The following SIK3 variants were observed in gnomAD, a reference collection of about 807,000 sequenced individuals.
The protein encoded by SIK3 is SIK family kinase 3.
A neutral mutation model predicts 144.2 loss-of-function variants in SIK3; 28 were observed. That is an observed-to-expected ratio of 0.19 (90% CI 0.14 to 0.27). The LOEUF (loss-of-function observed/expected upper bound fraction) is 0.27, where lower values mean the gene tolerates loss of function less well. Among genes scored for constraint, SIK3 ranks in the 10% least tolerant of loss-of-function variants. SIK3 has a pLI of 1.00. For missense variants in SIK3, 1,319 were observed against 1,776.0 expected, an observed-to-expected ratio of 0.74 and a Z score of 4.62; for synonymous variants, 686 against 676.3, an observed-to-expected ratio of 1.01 and a Z score of -0.22.
At chr11:117,070,839 G>A (rs151131966) in intron 1 of SIK3, among the ~76,000 whole-genome samples, 1,430 of 139,920 alleles carry the variant, frequency 0.01, 13 homozygotes, top group Non-Finnish European at 0.016. Flanking sequence ...CACAACCTCC[G>A]CCTCCCGGGT....
chr11:117,089,944 T>A (rs1955171635), intron 1 of SIK3, among the ~76,000 whole-genome samples: 1 of 151,986 alleles, frequency 6.6e-6, no homozygotes, highest in African/African-American at 2.4e-5. Flanking sequence ...AGGCTCCTTG[T>A]CTACCACGGA....
At position 116,849,646 on chromosome 11, in the gene SIK3, A is replaced by G. The variant is rs1285983990; in HGVS notation, c.3656-363T>C. On this transcript the variant is annotated intron_variant, in intron 21 of 24. Coordinates refer to ENST00000445177, the MANE Select transcript of SIK3 (RefSeq NM_001366686.3). This position sits in a 1 kb window ranked among gnomAD's most constrained non-coding sequence, Gnocchi z 4.2. Reference sequence around the variant, plus strand: ...AGGACCCTCTAGCCCTAGAGGATGCATCTGTTCTGTGGCTGGCTGCGTCCT... The same window carrying G: ...AGGACCCTCTAGCCCTAGAGGATGCGTCTGTTCTGTGGCTGGCTGCGTCCT... 6.6e-6 allele frequency among the ~76,000 whole-genome samples: 1 copy of G among 152,130 alleles called. No individual in the cohort carries two copies. The highest frequency in any genetic ancestry group is 1.5e-5 in the Non-Finnish European group (1 of 68,020).
chr11:116,983,821 C>CT (rs1950233137), intron 1 of SIK3, among the ~76,000 whole-genome samples: 2 of 152,070 alleles, frequency 1.3e-5, no homozygotes, highest in African/African-American at 4.8e-5. Context: ...GGGCTCACAC[C>CT]TGTAATCCCA....
rs778818111 is a variant in SIK3, at chr11:116,875,951, C to T, written c.1154G>A (p.Arg385Gln). 1.2e-6 allele frequency: 2 copies of T among 1,613,502 alleles called. No homozygotes were observed. Among genetic ancestry groups the T allele is most frequent in the South Asian group, 1.1e-5 (1 of 91,046 alleles). Residue 385 changes from arginine to glutamine, a missense_variant, in exon 9 of 25, where the codon CGA (arginine) becomes CAA (glutamine). Around this residue, in one of 8 missense-constraint regions of SIK3, gnomAD observed 109 missense variants for 109.3 expected, o/e 1.00. Coordinates refer to ENST00000445177, the MANE Select transcript of SIK3 (RefSeq NM_001366686.3). The part of the protein sequence containing the change: ...YSAIYSLLCD[R>Q]HKRHKTLRLG... ...ACGCAGGGTTTTATGTCTCTTATGT[C>T]GATCACACAGCAGGCTGTAGATTGC...
rs551165781 is a variant in SIK3 at position 116,982,413 on chromosome 11, C to T, written c.274-25349G>A. Among the ~76,000 whole-genome samples, 5 of 152,010 alleles carry T rather than the reference C, an allele frequency of 3.3e-5. No individual in the cohort carries two copies. In the South Asian group the frequency reaches 1.0e-3, roughly 32 times the overall value. ...AAGCAATCCTCCTGCCTCAGCCTCC[C>T]GAGTAGCTGGGATTACAGGCGCCTA... On this transcript the variant is annotated intron_variant, in intron 1 of 24. Coordinates refer to ENST00000445177, the MANE Select transcript of SIK3 (RefSeq NM_001366686.3).
intron 1 of SIK3, among the ~76,000 whole-genome samples, chr11:117,067,864 G>C (rs1320283199): frequency 6.6e-6 from 1 of 152,104 alleles, no homozygotes; most frequent in East Asian, 1.9e-4. Context: ...ACAGGCACCT[G>C]TAGTCCAAGC....
At chr11:116,923,387 C>T (rs1947108688) in intron 4 of SIK3, among the ~76,000 whole-genome samples, 2 of 152,144 alleles carry the variant, frequency 1.3e-5, no homozygotes, top group African/African-American at 4.8e-5. Context: ...AAGTTGATTT[C>T]GTTACCTATC....
rs1591591602 is a variant in SIK3, at chr11:117,039,628, A to T, written c.273+58515T>A. On this transcript the variant is annotated intron_variant, in intron 1 of 24. Coordinates refer to ENST00000445177, the MANE Select transcript of SIK3 (RefSeq NM_001366686.3). The stretch of plus-strand genomic sequence containing the variant: ...CGAAAGGTCCACATTCAAAAGACAT[A>T]TTTTTTTAAGAAATTAGGAGTTAAT... Among the ~76,000 whole-genome samples, 7 of 152,288 alleles carry T rather than the reference A, an allele frequency of 4.6e-5. 1 individual carries two copies. The highest frequency in any genetic ancestry group is 2.1e-4 in the South Asian group (1 of 4,824).
chr11:116,879,379 T>A (rs1459289864), intron 6 of SIK3, among the ~76,000 whole-genome samples: 1 of 152,198 alleles, frequency 6.6e-6, no homozygotes, highest in Non-Finnish European at 1.5e-5. Context: ...ACTTAGAGAC[T>A]ATAATTAGCT....
chr11:116,955,893 CAT>C (rs10616066), intron 2 of SIK3, among the ~76,000 whole-genome samples: 5,036 of 152,260 alleles, frequency 0.033, 160 homozygotes, highest in East Asian at 0.081. Flanking sequence ...TTTAACCACA[CAT>C]GTTAATATCA....
At position 116,867,699 on chromosome 11, in the gene SIK3, T is replaced by A; in HGVS notation, c.1952+247A>T. ...GAATCAACATCTAGAATCATGGGAA[T>A]CAAATGCAGACAATAAACAGGTCTG... On this transcript the variant is annotated intron_variant, in intron 15 of 24. Transcript: ENST00000445177. The surrounding 1 kb of genome is among the most constrained non-coding windows in gnomAD (Gnocchi z 4.1). 1 of 367,218 alleles carries A rather than the reference T, an allele frequency of 2.7e-6. No individual in the cohort carries two copies. The allele number at this position is 367,218 out of a possible 1,614,324, so 22.7% of individuals were successfully genotyped here.
chr11:116,934,802 G>A (rs187779612), intron 3 of SIK3, among the ~76,000 whole-genome samples: 50 of 152,054 alleles, frequency 3.3e-4, no homozygotes, highest in African/African-American at 1.1e-3. Flanking sequence ...GGCATAGGCC[G>A]GGCGCGGTGG....
intron 1 of SIK3, among the ~76,000 whole-genome samples, chr11:117,074,337 T>A (rs1405851933): frequency 2.6e-5 from 4 of 151,976 alleles, no homozygotes; most frequent in African/African-American, 9.7e-5. Context: ...CACCCCCACT[T>A]CCCTACAGCC....
intron 1 of SIK3, among the ~76,000 whole-genome samples, chr11:117,063,638 T>G (rs1267994190): frequency 6.8e-6 from 1 of 147,132 alleles, no homozygotes; most frequent in East Asian, 2.0e-4. Flanking sequence ...CAGGCTGGAG[T>G]GTAATGGCAT....
chr11:116,849,820 C>T lies in SIK3; in HGVS notation c.3656-537G>A, dbSNP rs2134300392. Reference sequence around the variant, plus strand: ...TTGTCCTTGACCTTCTCTCTCCCCACACTTACTCTGGCAACATCATCTATT... The same window carrying T: ...TTGTCCTTGACCTTCTCTCTCCCCATACTTACTCTGGCAACATCATCTATT... On this transcript the variant is annotated intron_variant, in intron 21 of 24. Transcript: ENST00000445177. This position sits in a 1 kb window ranked among gnomAD's most constrained non-coding sequence, Gnocchi z 4.2. Among the ~76,000 whole-genome samples, 1 of 152,302 alleles carries T rather than the reference C, an allele frequency of 6.6e-6. No individual in the cohort carries two copies. The highest frequency in any genetic ancestry group is 1.9e-4 in the East Asian group (1 of 5,190).
chr11:117,036,009 C>T, intron 1 of SIK3: 2 of 1,520,690 alleles, frequency 1.3e-6, no homozygotes, highest in South Asian at 2.3e-5. Flanking sequence ...TTCCTCTTCT[C>T]CTTTTCTGGA....
intron 1 of SIK3, among the ~76,000 whole-genome samples, chr11:116,958,143 A>G (rs6589581): frequency 6.6e-6 from 1 of 152,122 alleles, no homozygotes; most frequent in Non-Finnish European, 1.5e-5. Flanking sequence ...AAATCTTAAC[A>G]TTCTAAGATT....
chr11:116,990,462 C>A (rs1020469978), intron 1 of SIK3, among the ~76,000 whole-genome samples: 2 of 152,142 alleles, frequency 1.3e-5, no homozygotes, highest in African/African-American at 4.8e-5. Flanking sequence ...ACGAGTCAAG[C>A]AACAAATCTG....
In SIK3 at chr11:116,861,402, G is replaced by C; in HGVS notation, c.2316-19C>G. Reference sequence around the variant, plus strand: ...CCTTAACCTTAAAAATAACAAAAGAGATACACAAAGAAGCTTCCTAAGGTG... The same window carrying C: ...CCTTAACCTTAAAAATAACAAAAGACATACACAAAGAAGCTTCCTAAGGTG... On this transcript the variant is annotated intron_variant, in intron 18 of 24. Coordinates refer to ENST00000445177, the MANE Select transcript of SIK3 (RefSeq NM_001366686.3). 2 of 1,538,176 alleles carry C rather than the reference G, an allele frequency of 1.3e-6. No homozygotes were observed. The highest frequency in any genetic ancestry group is 1.8e-6 in the Non-Finnish European group (2 of 1,119,316).
Sources: gnomAD v4.1 joint callset for allele counts (sites outside exome capture counted in the v4.1 genomes callset) on GRCh38, gnomAD v4.1.1 for gene constraint, gnomAD v4.1.1 regional missense constraint, Gnocchi (gnomAD v3.1) non-coding constraint, MANE v1.5 for transcripts, NCBI Gene and HGNC (gene_info 2026-07-23, HGNC 2026-07-21) for gene names.